Variants in CC2D2A observed in about 807,000 individuals in gnomAD.
CC2D2A encodes coiled-coil and C2 domain containing 2A, also known as coiled-coil and C2 domain-containing protein 2A.
In CC2D2A, 155 loss-of-function variants were observed where a neutral mutation model predicts 212.9. The observed-to-expected ratio is 0.73, with a 90% confidence interval of 0.64 to 0.83. The LOEUF is 0.83. Among genes scored for constraint, CC2D2A ranks in the 40% least tolerant of loss-of-function variants. The probability of loss-of-function intolerance (pLI) is 0.00; values close to 1 mark genes in which losing one functional copy is unlikely to be tolerated. For missense variants in CC2D2A, 1,856 were observed against 1,956.2 expected (o/e 0.95, Z 0.97); for synonymous variants, 667 against 686.5 (o/e 0.97, Z 0.44).
rs375555992 is a variant in CC2D2A at position 15,515,990 on chromosome 4, C to T, written c.1003C>T (p.Leu335=). 1.3e-6 allele frequency: 2 copies of T among 1,591,866 alleles called. No individual in the cohort carries two copies. Among genetic ancestry groups the T allele is most frequent in the East Asian group, 2.3e-5 (1 of 43,914 alleles). Residue 335 remains leucine, a synonymous_variant, in exon 10 of 37, where the codon CTG becomes TTG. Coordinates refer to ENST00000424120, the MANE Select transcript of CC2D2A (RefSeq NM_001378615.1). ...TNQNIMENRL[L]MQDPERRWFG... ...TCAGAACATCATGGAGAACAGATTG[C>T]TGATGCAGGACCCCGTAAGTGTGCA...
At chr4:15,587,436 C>A (rs1225862589) in intron 31 of CC2D2A, among the ~76,000 whole-genome samples, 1 of 152,192 alleles carries the variant, frequency 6.6e-6, no homozygotes, top group Non-Finnish European at 1.5e-5. Flanking sequence ...CCTCAACTTG[C>A]TCATCTGTAA....
chr4:15,593,186 A>C (rs1427599586), intron 33 of CC2D2A, among the ~76,000 whole-genome samples: 1 of 152,210 alleles, frequency 6.6e-6, no homozygotes, highest in Non-Finnish European at 1.5e-5. Context: ...ATTTAAGAGT[A>C]AACTTTCCAC....
At chr4:15,545,312 A>G (rs1333605292) in intron 17 of CC2D2A, among the ~76,000 whole-genome samples, 2 of 152,202 alleles carry the variant, frequency 1.3e-5, no homozygotes, top group East Asian at 3.8e-4. Context: ...TCTCAAAACT[A>G]TAATGCATCA....
At chr4:15,572,876 C>T (rs533388343) in intron 28 of CC2D2A, among the ~76,000 whole-genome samples, 3 of 152,250 alleles carry the variant, frequency 2.0e-5, no homozygotes, top group Non-Finnish European at 2.9e-5. Flanking sequence ...TAGCAAACTA[C>T]TGGTGTAAGT....
In CC2D2A at chr4:15,584,612, A is replaced by C. The variant is rs769980553; in HGVS notation, c.3976-1545A>C. On this transcript the variant is annotated intron_variant, in intron 30 of 36. Transcript: ENST00000424120. The stretch of plus-strand genomic sequence containing the variant: ...AGGGGATTTTTTTTAGTAAGACCTC[A>C]AAAGCACAGGCAACAAAAGCAAAAA... Among the ~76,000 whole-genome samples, 88 of 152,194 alleles carry C rather than the reference A, an allele frequency of 5.8e-4. 1 individual carries two copies. Among genetic ancestry groups the C allele is most frequent in the Admixed American group, 8.5e-4 (13 of 15,284 alleles).
intron 14 of CC2D2A, among the ~76,000 whole-genome samples, chr4:15,536,024 T>C (rs2109032897): frequency 6.6e-6 from 1 of 152,242 alleles, no homozygotes; most frequent in South Asian, 2.1e-4. Flanking sequence ...ATGGCCACAA[T>C]ATCTTTTCCT....
intron 1 of CC2D2A, among the ~76,000 whole-genome samples, chr4:15,475,635 G>A (rs898211496): frequency 3.3e-5 from 5 of 152,178 alleles, no homozygotes; most frequent in African/African-American, 1.2e-4. Flanking sequence ...GAGATGAGCT[G>A]TAAAATGGTC....
chr4:15,563,961 C>T lies in CC2D2A; in HGVS notation c.3182+439C>T, dbSNP rs139226151. On this transcript the variant is annotated intron_variant, in intron 24 of 36. Transcript: ENST00000424120. ...AGGTGTTGATCCATGGTCTAATCGC[C>T]GATAGCCAGAGAGACAGGGTCAGAA... 2.5e-3 allele frequency: 418 copies of T among 165,512 alleles called. 5 individuals carry two copies. Among genetic ancestry groups the T allele is most frequent in the African/African-American group, 9.5e-3 (399 of 41,848 alleles). 10.3% of individuals were successfully genotyped at this position (165,512 alleles called of 1,614,324 possible).
At chr4:15,475,310 A>G (rs1016661241) in intron 1 of CC2D2A, among the ~76,000 whole-genome samples, 1 of 152,118 alleles carries the variant, frequency 6.6e-6, no homozygotes, top group Admixed American at 6.5e-5. Context: ...CCTTTTTTTA[A>G]AGGAAGGAAA....
intron 4 of CC2D2A, among the ~76,000 whole-genome samples, chr4:15,500,105 GTGTA>G (rs1385197886): frequency 3.7e-3 from 244 of 66,840 alleles, no homozygotes; most frequent in African/African-American, 9.4e-3. Context: ...GTGTGTGTGT[GTGTA>G]TATATATATA....
chr4:15,549,484 G>T (rs181495992), intron 17 of CC2D2A, among the ~76,000 whole-genome samples: 5 of 152,268 alleles, frequency 3.3e-5, no homozygotes, highest in Admixed American at 2.6e-4. Flanking sequence ...GGGAGGCAAG[G>T]CCAGGATAGT....
chr4:15,471,346 A>G (rs1713798917), intron 1 of CC2D2A, among the ~76,000 whole-genome samples: 1 of 152,028 alleles, frequency 6.6e-6, no homozygotes, highest in African/African-American at 2.4e-5. Flanking sequence ...GACATGAAAC[A>G]TGAGTTATGG....
intron 35 of CC2D2A, among the ~76,000 whole-genome samples, chr4:15,597,857 T>C (rs1226873719): frequency 6.6e-6 from 1 of 152,224 alleles, no homozygotes. Context: ...TGTATGAGTC[T>C]CTGTAATTCT....
intron 11 of CC2D2A, chr4:15,519,868 G>A (rs1717107848): frequency 1.4e-5 from 4 of 284,714 alleles, no homozygotes; most frequent in Non-Finnish European, 2.8e-5. Context: ...AATTCAAGAT[G>A]AGTTTTGGGT....
At chr4:15,472,056 A>G (rs887480019) in intron 1 of CC2D2A, among the ~76,000 whole-genome samples, 31 of 152,214 alleles carry the variant, frequency 2.0e-4, no homozygotes, top group African/African-American at 7.0e-4. Context: ...ATAGCCCACT[A>G]TTCTGGAAAG....
intron 6 of CC2D2A, among the ~76,000 whole-genome samples, chr4:15,507,620 A>G (rs1350894779): frequency 3.9e-5 from 6 of 152,224 alleles, no homozygotes; most frequent in African/African-American, 1.4e-4. Flanking sequence ...GATTAATAGG[A>G]GAAAAGGCAT....
In CC2D2A at chr4:15,586,265, C is replaced by T. The variant is rs1720852000; in HGVS notation, c.4065+19C>T. The T allele has an allele frequency of 6.8e-7, 1 of 1,473,816 alleles. No individual in the cohort carries two copies. Among genetic ancestry groups the T allele is most frequent in the Non-Finnish European group, 9.2e-7 (1 of 1,086,672 alleles). 91.3% of individuals were successfully genotyped at this position (1,473,816 alleles called of 1,614,324 possible). A position where few individuals can be genotyped will look rare whatever the true frequency, so the allele number is the denominator to read the frequency against. ...ATCTGATGTAAGTAGTTCTTCTTCACAGATTTAGAAACTTGAGCTGACTTA... is the reference window on the plus strand; with the variant it reads ...ATCTGATGTAAGTAGTTCTTCTTCATAGATTTAGAAACTTGAGCTGACTTA... On this transcript the variant is annotated intron_variant, in intron 31 of 36. Coordinates refer to ENST00000424120, the MANE Select transcript of CC2D2A (RefSeq NM_001378615.1).
At chr4:15,574,430 C>G (rs541130581) in intron 29 of CC2D2A, 104 bp downstream of exon 29, 2 of 796,960 alleles carry the variant, frequency 2.5e-6, no homozygotes, top group Non-Finnish European at 3.8e-6. Context: ...ACAGAGCCTT[C>G]CTTACTTCAA....
intron 24 of CC2D2A, among the ~76,000 whole-genome samples, chr4:15,566,583 G>C (rs1013347058): frequency 6.6e-6 from 1 of 152,146 alleles, no homozygotes; most frequent in Non-Finnish European, 1.5e-5. Context: ...ACTCTGTGGG[G>C]ACCAGAGCAT....
Sources: gnomAD v4.1 joint callset for allele counts (sites outside exome capture counted in the v4.1 genomes callset) on GRCh38, gnomAD v4.1.1 for gene constraint, MANE v1.5 for transcripts, NCBI Gene and HGNC (gene_info 2026-07-23, HGNC 2026-07-21) for gene names.